CNTNAP2: variants seen among roughly 807,000 people sequenced by gnomAD.
CNTNAP2 encodes contactin associated protein 2, also known as contactin-associated protein-like 2.
A neutral mutation model predicts 155.2 loss-of-function variants in CNTNAP2; 98 were observed. The observed-to-expected ratio is 0.63, with a 90% confidence interval of 0.54 to 0.75. CNTNAP2 has a LOEUF of 0.75. Ranked by LOEUF, CNTNAP2 falls within the 30% of genes least tolerant of loss-of-function variation. CNTNAP2 has a pLI of 0.00. For missense variants in CNTNAP2, 1,727 were observed against 1,688.1 expected, an observed-to-expected ratio of 1.02 and a Z score of -0.40; for synonymous variants, 651 against 631.2, an observed-to-expected ratio of 1.03 and a Z score of -0.47.
chr7:146,287,920 A>C (rs1382951125), intron 1 of CNTNAP2, among the ~76,000 whole-genome samples: 5 of 152,208 alleles, frequency 3.3e-5, no homozygotes, highest in Admixed American at 6.5e-5. Context: ...AAGTAGAAGT[A>C]TAAAAATAGT....
At chr7:146,927,089 A>C (rs949878624) in intron 3 of CNTNAP2, among the ~76,000 whole-genome samples, 1 of 152,108 alleles carries the variant, frequency 6.6e-6, no homozygotes, top group Admixed American at 6.6e-5. Flanking sequence ...CAGACAACTT[A>C]CTGTAAAATT....
intron 1 of CNTNAP2, among the ~76,000 whole-genome samples, chr7:146,188,961 G>A (rs1363891905): frequency 2.0e-5 from 3 of 152,124 alleles, no homozygotes. Context: ...GGGAGGGCCT[G>A]AGCTTCTGTT....
chr7:146,742,991 T>A (rs550067125), intron 1 of CNTNAP2, among the ~76,000 whole-genome samples: 1 of 152,206 alleles, frequency 6.6e-6, no homozygotes, highest in African/African-American at 2.4e-5. Context: ...AGAAATTAGA[T>A]TTTTTTCAGA....
intron 13 of CNTNAP2, among the ~76,000 whole-genome samples, chr7:147,849,277 A>G (rs1798878246): frequency 6.6e-6 from 1 of 152,238 alleles, no homozygotes; most frequent in Non-Finnish European, 1.5e-5. Context: ...TTCAATAAAC[A>G]CGATTATGAA....
chr7:147,359,022 G>C (rs999989652), intron 9 of CNTNAP2, among the ~76,000 whole-genome samples: 1 of 152,090 alleles, frequency 6.6e-6, no homozygotes, highest in East Asian at 1.9e-4. Flanking sequence ...CTTATACCTG[G>C]CACACTTCAT....
At chr7:147,010,664 G>A (rs1205828507) in intron 3 of CNTNAP2, among the ~76,000 whole-genome samples, 1 of 152,028 alleles carries the variant, frequency 6.6e-6, no homozygotes, top group African/African-American at 2.4e-5. Context: ...ATATAGTTAT[G>A]GACAAAGACA....
At chr7:148,062,076 T>TGTGTGTGTGTG (rs1803167996) in intron 15 of CNTNAP2, among the ~76,000 whole-genome samples, 2 of 141,370 alleles carry the variant, frequency 1.4e-5, no homozygotes, top group Non-Finnish European at 3.1e-5. Flanking sequence ...TGTGTGTGTG[T>TGTGTGTGTGTG]TTAGTCCATG....
At chr7:146,503,465 T>A (rs1304397683) in intron 1 of CNTNAP2, among the ~76,000 whole-genome samples, 6 of 152,236 alleles carry the variant, frequency 3.9e-5, no homozygotes, top group Non-Finnish European at 8.8e-5. Context: ...TCTTCCAATG[T>A]GGCCTAGCCA....
intron 13 of CNTNAP2, among the ~76,000 whole-genome samples, chr7:147,715,572 T>A (rs1796470529): frequency 6.6e-6 from 1 of 152,086 alleles, no homozygotes; most frequent in South Asian, 2.1e-4. Context: ...AAATTGAGAA[T>A]TATTTATATG....
intron 3 of CNTNAP2, among the ~76,000 whole-genome samples, chr7:146,841,073 A>C (rs951958108): frequency 1.3e-5 from 2 of 152,210 alleles, no homozygotes; most frequent in African/African-American, 4.8e-5. Context: ...ATCAAGCCTG[A>C]ATACACAGTA....
At chr7:147,506,053 C>G (rs1162128423) in intron 11 of CNTNAP2, among the ~76,000 whole-genome samples, 1 of 152,124 alleles carries the variant, frequency 6.6e-6, no homozygotes. Context: ...CAGTTCTTAG[C>G]TAAGGAGATG....
At chr7:147,555,778 T>C (rs896180472) in intron 11 of CNTNAP2, among the ~76,000 whole-genome samples, 3 of 152,198 alleles carry the variant, frequency 2.0e-5, no homozygotes, top group South Asian at 2.1e-4. Flanking sequence ...TCAAGTTTAA[T>C]TGTTTCTCTC....
chr7:147,272,297 A>G (rs4726834), intron 8 of CNTNAP2, among the ~76,000 whole-genome samples: 84,718 of 151,988 alleles, frequency 0.56, 24,553 homozygotes, highest in East Asian at 0.79. Flanking sequence ...ACTCCCTTAC[A>G]TAATGTTAGT....
At chr7:147,958,361 T>C (rs375321665) in intron 14 of CNTNAP2, among the ~76,000 whole-genome samples, 1 of 152,172 alleles carries the variant, frequency 6.6e-6, no homozygotes. Flanking sequence ...TATTTGTATG[T>C]TTATTTAAAG....
chr7:147,378,331 C>T (rs957569800), intron 9 of CNTNAP2, among the ~76,000 whole-genome samples: 1 of 151,740 alleles, frequency 6.6e-6, no homozygotes, highest in Non-Finnish European at 1.5e-5. Flanking sequence ...TATTTATGGG[C>T]TACATAAGAA....
At chr7:146,463,734 AGAGT>A (rs1466224340) in intron 1 of CNTNAP2, among the ~76,000 whole-genome samples, 4 of 152,160 alleles carry the variant, frequency 2.6e-5, no homozygotes, top group East Asian at 1.9e-4. Context: ...GTATATATAT[AGAGT>A]AACTTAAAAT....
At chr7:147,952,484 T>C (rs1012788444) in intron 14 of CNTNAP2, among the ~76,000 whole-genome samples, 4 of 152,002 alleles carry the variant, frequency 2.6e-5, no homozygotes, top group African/African-American at 9.7e-5. Context: ...TCCTTTTCAT[T>C]ATTTATAGAA....
At position 147,503,265 on chromosome 7, in the gene CNTNAP2, G is replaced by A. The variant is rs781123122; in HGVS notation, c.1777+17224G>A. Among the ~76,000 whole-genome samples the A allele has an allele frequency of 1.1e-4, 16 of 152,178 alleles. No homozygotes were observed. The South Asian group carries it at 2.5e-3, about 24-fold the overall frequency. ...TCTGCCTCCTTCTTCACACAGCCAC[G>A]TTCCCTGGGTGTTTCTGTCTCTGTC... On this transcript the variant is annotated intron_variant, in intron 11 of 23. Transcript: ENST00000361727.
intron 1 of CNTNAP2, among the ~76,000 whole-genome samples, chr7:146,670,696 A>G (rs1800287710): frequency 1.3e-5 from 2 of 152,086 alleles, no homozygotes; most frequent in South Asian, 2.1e-4. Context: ...ATCACTCTCA[A>G]TTACACAAGG....
Sources: allele counts gnomAD v4.1 joint callset (sites outside exome capture counted in the v4.1 genomes callset), GRCh38; gene constraint gnomAD v4.1.1; transcripts MANE v1.5; gene names NCBI Gene and HGNC (gene_info 2026-07-23, HGNC 2026-07-21).